MAP4K4: variants seen among roughly 807,000 people sequenced by gnomAD.
MAP4K4 encodes mitogen-activated protein kinase kinase kinase kinase 4.
MAP4K4 carries 38 observed loss-of-function variants against 189.6 expected under a neutral mutation model. That is an observed-to-expected ratio of 0.20 (90% confidence interval 0.15 to 0.26). The LOEUF (loss-of-function observed/expected upper bound fraction) is 0.26, where lower values mean the gene tolerates loss of function less well. Among genes scored for constraint, MAP4K4 ranks in the 10% least tolerant of loss-of-function variants. The probability of loss-of-function intolerance (pLI) is 1.00; values close to 1 mark genes in which losing one functional copy is unlikely to be tolerated. For synonymous variants in MAP4K4, 610 were observed against 624.3 expected (o/e 0.98, Z 0.34); for missense variants, 1,054 against 1,726.9 (o/e 0.61, Z 6.91).
chr2:101,763,557 C>A (rs2077345952), intron 2 of MAP4K4, among the ~76,000 whole-genome samples: 1 of 152,032 alleles, frequency 6.6e-6, no homozygotes, highest in Non-Finnish European at 1.5e-5. Flanking sequence ...ATGCAAATGT[C>A]CACAAATGTG....
intron 2 of MAP4K4, among the ~76,000 whole-genome samples, chr2:101,732,703 C>T (rs908188295): frequency 1.3e-5 from 2 of 152,208 alleles, no homozygotes; most frequent in African/African-American, 2.4e-5. Context: ...TATCTCCTGC[C>T]TCAGCCTCCT....
In MAP4K4 at chr2:101,699,564, A is replaced by G. The variant is rs7558237; in HGVS notation, c.123+1026A>G. On this transcript the variant is annotated intron_variant, in intron 2 of 32. Transcript: ENST00000324219. ...GGGAAGCAGGGCTCTGTGGTTCACC[A>G]TGAAGAATTGTCATTGTCTCATTAA... is the stretch of plus-strand genomic sequence containing the variant. Among the ~76,000 whole-genome samples, 409 of 152,330 alleles carry G rather than the reference A, an allele frequency of 2.7e-3. 1 individual carries two copies. The highest frequency in any genetic ancestry group is 9.3e-3 in the African/African-American group (388 of 41,576).
chr2:101,842,158 G>A (rs1321923619), intron 10 of MAP4K4, among the ~76,000 whole-genome samples: 2 of 152,116 alleles, frequency 1.3e-5, no homozygotes, highest in African/African-American at 2.4e-5. Flanking sequence ...TTTTCTCTCT[G>A]CTGCACTCTC....
At chr2:101,883,436 A>G (rs1358351042) in intron 28 of MAP4K4, among the ~76,000 whole-genome samples, 5 of 152,124 alleles carry the variant, frequency 3.3e-5, no homozygotes, top group Admixed American at 6.5e-5. Context: ...GGTTCAAGCA[A>G]TTCTCCTGCC....
chr2:101,884,333 C>T (rs550766530), intron 28 of MAP4K4, among the ~76,000 whole-genome samples: 12 of 152,160 alleles, frequency 7.9e-5, no homozygotes, highest in Non-Finnish European at 1.2e-4. Context: ...AATACAGATA[C>T]GGAGAGTTTC....
rs183773720 is a variant in MAP4K4, at chr2:101,848,125, A to T, written c.1233+3814A>T. Among the ~76,000 whole-genome samples the T allele has an allele frequency of 2.0e-5, 3 of 152,344 alleles. No individual in the cohort carries two copies. The East Asian group carries it at 5.8e-4, about 29-fold the overall frequency. On this transcript the variant is annotated intron_variant, in intron 12 of 32. Coordinates refer to ENST00000324219, the Ensembl canonical transcript of MAP4K4. ...ACTATATGATGTTCATACAATGAAG[A>T]AATCACCTAACGACGCATTTCTAGG... is the stretch of plus-strand genomic sequence containing the variant.
At chr2:101,705,414 A>G (rs926135714) in intron 2 of MAP4K4, among the ~76,000 whole-genome samples, 1 of 140,282 alleles carries the variant, frequency 7.1e-6, no homozygotes, top group Non-Finnish European at 1.6e-5. Flanking sequence ...GTGTTCAGAC[A>G]CAATGAATGC....
chr2:101,890,350 G>A (rs904583339), intron 32 of MAP4K4, among the ~76,000 whole-genome samples: 2 of 152,172 alleles, frequency 1.3e-5, no homozygotes, highest in African/African-American at 4.8e-5. Flanking sequence ...AACGTGTAAG[G>A]AGTTAGTAGT....
At chr2:101,873,533 A>G in intron 24 of MAP4K4, 114 bp from the exon 25 acceptor site, 2 of 631,798 alleles carry the variant, frequency 3.2e-6, no homozygotes, top group Non-Finnish European at 5.6e-6. Context: ...ATGCAAGGCA[A>G]ATAGAGCAAA....
At chr2:101,746,290 A>AT (rs199987833) in intron 2 of MAP4K4, among the ~76,000 whole-genome samples, 3,184 of 131,992 alleles carry the variant, frequency 0.024, 109 homozygotes, top group African/African-American at 0.077. Context: ...CCTGGCCCTG[A>AT]TTTTTTTTTT....
chr2:101,813,661 A>G (rs990470561), intron 3 of MAP4K4, among the ~76,000 whole-genome samples: 1 of 152,164 alleles, frequency 6.6e-6, no homozygotes, highest in Non-Finnish European at 1.5e-5. Flanking sequence ...TTTGGAAGAG[A>G]GGATATGGGA....
chr2:101,780,303 A>G (rs903929828), intron 2 of MAP4K4, among the ~76,000 whole-genome samples: 9 of 152,018 alleles, frequency 5.9e-5, no homozygotes, highest in Non-Finnish European at 1.0e-4. Flanking sequence ...GAAACTTTCA[A>G]TTTTTTTCTC....
intron 2 of MAP4K4, among the ~76,000 whole-genome samples, chr2:101,743,467 A>G: frequency 6.6e-6 from 1 of 152,044 alleles, no homozygotes. Context: ...CATCCTTTTC[A>G]GTTAGTGTGT....
intron 2 of MAP4K4, among the ~76,000 whole-genome samples, chr2:101,708,095 TG>T (rs975832739): frequency 1.3e-5 from 2 of 152,192 alleles, no homozygotes; most frequent in Non-Finnish European, 2.9e-5. Context: ...CCTCGGCCTC[TG>T]ACCATCCACT....
chr2:101,708,282 G>A (rs2043462420), intron 2 of MAP4K4, among the ~76,000 whole-genome samples: 1 of 152,132 alleles, frequency 6.6e-6, no homozygotes, highest in South Asian at 2.1e-4. Flanking sequence ...TTAGGGTTTT[G>A]CTCAGGTGTT....
chr2:101,720,562 A>G (rs544375070), intron 2 of MAP4K4, among the ~76,000 whole-genome samples: 7 of 147,924 alleles, frequency 4.7e-5, no homozygotes, highest in South Asian at 2.1e-4. Context: ...CTGTCAGCAT[A>G]TAGTAGACTG....
At chr2:101,770,409 C>G (rs907115174) in intron 2 of MAP4K4, among the ~76,000 whole-genome samples, 1 of 151,906 alleles carries the variant, frequency 6.6e-6, no homozygotes, top group Non-Finnish European at 1.5e-5. Flanking sequence ...CCACCACACC[C>G]GGCTAATTTT....
At chr2:101,760,935 G>A (rs924220426) in intron 2 of MAP4K4, among the ~76,000 whole-genome samples, 6 of 152,134 alleles carry the variant, frequency 3.9e-5, no homozygotes, top group Admixed American at 2.6e-4. Context: ...TCTGGGAGGC[G>A]GAGGTTGCCG....
intron 2 of MAP4K4, among the ~76,000 whole-genome samples, chr2:101,789,575 C>T (rs1293231357): frequency 6.6e-6 from 1 of 152,176 alleles, no homozygotes; most frequent in Non-Finnish European, 1.5e-5. Flanking sequence ...CAAGTTGTAA[C>T]TTGAGTTCCT....
Sources: gnomAD v4.1 joint callset for allele counts (sites outside exome capture counted in the v4.1 genomes callset) on GRCh38, gnomAD v4.1.1 for gene constraint, MANE v1.5 for transcripts, NCBI Gene and HGNC (gene_info 2026-07-23, HGNC 2026-07-21) for gene names.